TBXAS1: variants seen among roughly 807,000 people sequenced by gnomAD.
TBXAS1 encodes thromboxane-A synthase.
A neutral mutation model predicts 60.7 loss-of-function variants in TBXAS1; 48 were observed. The ratio of observed to expected loss-of-function variants is 0.79; its 90% CI spans 0.63 to 1.01. The LOEUF is 1.01. Among genes scored for constraint, TBXAS1 ranks in the 50% least tolerant of loss-of-function variants. The probability of loss-of-function intolerance (pLI) is 0.00; values close to 1 mark genes in which losing one functional copy is unlikely to be tolerated. For missense variants in TBXAS1, 685 were observed against 686.3 expected (o/e 1.00, Z 0.02); for synonymous variants, 287 against 269.7 (o/e 1.06, Z -0.63).
chr7:139,822,759 T>C (rs1304979447), intron 4 of TBXAS1, among the ~76,000 whole-genome samples: 1 of 152,076 alleles, frequency 6.6e-6, no homozygotes, highest in African/African-American at 2.4e-5. Flanking sequence ...TTCCTAGTGG[T>C]CTTAAAAACC....
chr7:139,906,119 G>C (rs575071582), intron 3 of TBXAS1: 50 of 383,480 alleles, frequency 1.3e-4, no homozygotes, highest in African/African-American at 1.1e-3. Flanking sequence ...GCAGTGGCTT[G>C]ATCTTGGATC....
At chr7:139,796,340 A>G (rs1288407586) in intron 4 of TBXAS1, among the ~76,000 whole-genome samples, 1 of 152,224 alleles carries the variant, frequency 6.6e-6, no homozygotes, top group African/African-American at 2.4e-5. Flanking sequence ...ACAGAAAGAC[A>G]TGGAGGGGCC....
At chr7:139,956,236 T>G (rs902128665) in intron 7 of TBXAS1, among the ~76,000 whole-genome samples, 2 of 152,154 alleles carry the variant, frequency 1.3e-5, no homozygotes, top group Non-Finnish European at 2.9e-5. Flanking sequence ...AACCTCCGCC[T>G]CCTGGGTTCA....
At chr7:139,779,741 C>T (rs910274181) in intron 1 of TBXAS1, among the ~76,000 whole-genome samples, 1 of 152,306 alleles carries the variant, frequency 6.6e-6, no homozygotes, top group South Asian at 2.1e-4. Flanking sequence ...AAGGACTCAA[C>T]CTCTGCAGGT....
chr7:139,941,100 G>A (rs1231939699), intron 5 of TBXAS1, among the ~76,000 whole-genome samples: 1 of 152,220 alleles, frequency 6.6e-6, no homozygotes, highest in East Asian at 1.9e-4. Context: ...GTGGGTATCT[G>A]AGTCAGTTTT....
chr7:140,015,937 C>T, intron 11 of TBXAS1, 77 bp downstream of exon 11: 1 of 1,601,342 alleles, frequency 6.2e-7, no homozygotes, highest in Middle Eastern at 1.7e-4. Flanking sequence ...GAGGCAGCAG[C>T]CGGGAGGCAC....
chr7:139,820,124 A>G (rs1398803045), intron 4 of TBXAS1, among the ~76,000 whole-genome samples: 1 of 152,038 alleles, frequency 6.6e-6, no homozygotes, highest in Non-Finnish European at 1.5e-5. Flanking sequence ...GAGGTGAAAA[A>G]TGACTGTTCC....
intron 2 of TBXAS1, among the ~76,000 whole-genome samples, chr7:139,874,514 C>T (rs1256923352): frequency 6.6e-6 from 1 of 152,188 alleles, no homozygotes; most frequent in Non-Finnish European, 1.5e-5. Flanking sequence ...TTCATATATA[C>T]TTTCCTTGAT....
At chr7:140,001,032 T>C (rs573562964) in intron 9 of TBXAS1, among the ~76,000 whole-genome samples, 4 of 152,212 alleles carry the variant, frequency 2.6e-5, no homozygotes, top group African/African-American at 9.6e-5. Flanking sequence ...CCCAAGGCCA[T>C]GGCTAAGGGT....
chr7:139,859,173 C>G (rs966684647), intron 1 of TBXAS1, among the ~76,000 whole-genome samples: 1 of 151,630 alleles, frequency 6.6e-6, no homozygotes, highest in African/African-American at 2.4e-5. Flanking sequence ...CCGTGCCCGG[C>G]CCAAAGCATT....
intron 1 of TBXAS1, among the ~76,000 whole-genome samples, chr7:139,843,092 C>T (rs952512237): frequency 1.3e-5 from 2 of 152,168 alleles, no homozygotes; most frequent in African/African-American, 4.8e-5. Flanking sequence ...CATGTGCTTC[C>T]CTCCTTCCTG....
At chr7:139,897,434 C>T (rs1227075666) in intron 3 of TBXAS1, among the ~76,000 whole-genome samples, 3 of 152,120 alleles carry the variant, frequency 2.0e-5, no homozygotes, top group Non-Finnish European at 4.4e-5. Flanking sequence ...TCATGTGCCA[C>T]ATGCTAAAGA....
chr7:140,014,272 T>C (rs1307236093), intron 10 of TBXAS1, among the ~76,000 whole-genome samples: 3 of 152,306 alleles, frequency 2.0e-5, no homozygotes, highest in East Asian at 3.9e-4. Flanking sequence ...GGTTTCCGGC[T>C]TTCTCAAGCC....
intron 3 of TBXAS1, among the ~76,000 whole-genome samples, chr7:139,901,180 T>TGA (rs1804537477): frequency 6.6e-6 from 1 of 152,162 alleles, no homozygotes; most frequent in Non-Finnish European, 1.5e-5. Context: ...AAACTACAGA[T>TGA]GAGAGTTTTT....
chr7:140,017,974 G>T (rs1404453673), intron 12 of TBXAS1, 141 bp downstream of exon 12: 6 of 1,112,678 alleles, frequency 5.4e-6, no homozygotes, highest in Admixed American at 2.4e-5. Context: ...ACCTCTCTCG[G>T]CCTCAGTTTC....
At chr7:139,870,931 T>C (rs1002234053) in intron 1 of TBXAS1, among the ~76,000 whole-genome samples, 5 of 152,078 alleles carry the variant, frequency 3.3e-5, no homozygotes, top group Non-Finnish European at 7.4e-5. Context: ...CTACAAAGAA[T>C]CTGAAATACT....
chr7:139,807,416 G>A (rs190117390), intron 4 of TBXAS1, among the ~76,000 whole-genome samples: 94 of 150,940 alleles, frequency 6.2e-4, no homozygotes, highest in African/African-American at 2.1e-3. Flanking sequence ...ATGGAGTCTC[G>A]CTCTGTCACC....
At chr7:139,904,199 G>T (rs2117008630) in intron 3 of TBXAS1, among the ~76,000 whole-genome samples, 1 of 152,098 alleles carries the variant, frequency 6.6e-6, no homozygotes, top group Admixed American at 6.5e-5. Flanking sequence ...TTTATTGAAA[G>T]GGTGTCCTTT....
intron 5 of TBXAS1, among the ~76,000 whole-genome samples, chr7:139,951,809 C>G (rs200496241): frequency 5.7e-4 from 2 of 3,482 alleles, no homozygotes; most frequent in East Asian, 6.0e-3. Context: ...GAAAAAGAAA[C>G]AAAGAAGAAG....
Sources: gnomAD v4.1 joint callset for allele counts (sites outside exome capture counted in the v4.1 genomes callset) on GRCh38, gnomAD v4.1.1 for gene constraint, MANE v1.5 for transcripts, NCBI Gene and HGNC (gene_info 2026-07-23, HGNC 2026-07-21) for gene names.